Variants in AGBL4 observed in about 807,000 individuals in gnomAD.
The protein encoded by AGBL4 is cytosolic carboxypeptidase 6.
Under a neutral mutation model 66.4 loss-of-function variants are expected in AGBL4, and 58 were observed. The observed-to-expected ratio is 0.87, with a 90% confidence interval of 0.71 to 1.09. AGBL4 has a LOEUF of 1.09. Among genes scored for constraint, AGBL4 ranks in the 50% least tolerant of loss-of-function variants. The probability of loss-of-function intolerance (pLI) is 0.00; values close to 1 mark genes in which losing one functional copy is unlikely to be tolerated. For missense variants in AGBL4, 579 were observed against 631.0 expected (o/e 0.92, Z 0.88); for synonymous variants, 234 against 222.9 (o/e 1.05, Z -0.44).
At chr1:49,744,750 G>C (rs950830730) in intron 2 of AGBL4, among the ~76,000 whole-genome samples, 1 of 152,094 alleles carries the variant, frequency 6.6e-6, no homozygotes, top group African/African-American at 2.4e-5. Context: ...AGCATACAAT[G>C]CATTAAGATA....
At chr1:48,855,711 G>A (rs1325805215) in intron 6 of AGBL4, among the ~76,000 whole-genome samples, 1 of 151,246 alleles carries the variant, frequency 6.6e-6, no homozygotes. Context: ...TATTTATAAG[G>A]GCAAAACATC....
chr1:49,855,289 A>G lies in AGBL4; in HGVS notation c.35-3771T>C, dbSNP rs181023369. On this transcript the variant is annotated intron_variant, in intron 1 of 13. Transcript: ENST00000371839. Reference sequence around the variant, plus strand: ...AGCAAATATTATTAAAGCTAAAGAGAGAAATAAACCCCAATACAATCATAG... The same window carrying G: ...AGCAAATATTATTAAAGCTAAAGAGGGAAATAAACCCCAATACAATCATAG... Among the ~76,000 whole-genome samples the G allele has an allele frequency of 9.2e-5, 14 of 152,316 alleles. No individual in the cohort carries two copies. The East Asian group carries it at 2.7e-3, about 29-fold the overall frequency.
intron 2 of AGBL4, among the ~76,000 whole-genome samples, chr1:49,781,832 A>G (rs1354537965): frequency 6.6e-6 from 1 of 152,154 alleles, no homozygotes; most frequent in Non-Finnish European, 1.5e-5. Flanking sequence ...GTTAACACAC[A>G]GGAGAATTTT....
At position 49,655,437 on chromosome 1, in the gene AGBL4, G is replaced by A. The variant is rs533596079; in HGVS notation, c.282+41876C>T. On this transcript the variant is annotated intron_variant, in intron 3 of 13. Coordinates refer to ENST00000371839, the MANE Select transcript of AGBL4 (RefSeq NM_032785.4). ...GTCTTGGAGTTGCTCTTCTCGAGTA[G>A]TATCTTTGTGGCATTCTCTGTATTT... Among the ~76,000 whole-genome samples the A allele has an allele frequency of 1.4e-4, 22 of 152,234 alleles. No individual in the cohort carries two copies. In the East Asian group the frequency reaches 1.9e-3, roughly 13 times the overall value.
intron 2 of AGBL4, chr1:49,842,233 C>T (rs534459757): frequency 4.6e-6 from 2 of 436,898 alleles, no homozygotes; most frequent in South Asian, 2.0e-5. Flanking sequence ...TGGAGCCTGC[C>T]CAGAGGGCCC....
At chr1:49,512,622 A>G (rs1198145684) in intron 3 of AGBL4, among the ~76,000 whole-genome samples, 1 of 151,712 alleles carries the variant, frequency 6.6e-6, no homozygotes, top group Admixed American at 6.6e-5. Flanking sequence ...AAGCCTCCTG[A>G]CACCCTCTCC....
chr1:48,843,970 C>A (rs1233409495), intron 6 of AGBL4, among the ~76,000 whole-genome samples: 1 of 152,184 alleles, frequency 6.6e-6, no homozygotes, highest in Non-Finnish European at 1.5e-5. Context: ...ATAAGCCATG[C>A]ACTCCTCACA....
chr1:48,538,808 G>A (rs1286700669), intron 12 of AGBL4, among the ~76,000 whole-genome samples: 4 of 152,258 alleles, frequency 2.6e-5, no homozygotes, highest in Admixed American at 1.3e-4. Flanking sequence ...CCACATACAT[G>A]AGCAAGGTCA....
At chr1:49,934,332 C>A (rs992158833) in intron 1 of AGBL4, among the ~76,000 whole-genome samples, 2 of 152,046 alleles carry the variant, frequency 1.3e-5, no homozygotes, top group African/African-American at 4.8e-5. Context: ...CCAACAGCAG[C>A]AGAATATAAA....
chr1:49,870,410 T>A (rs1283182334), intron 1 of AGBL4, among the ~76,000 whole-genome samples: 1 of 151,926 alleles, frequency 6.6e-6, no homozygotes, highest in Non-Finnish European at 1.5e-5. Context: ...TATCACTTAA[T>A]TGTACATTTT....
chr1:49,690,807 ATTAAAT>A (rs1646872744), intron 3 of AGBL4, among the ~76,000 whole-genome samples: 1 of 152,214 alleles, frequency 6.6e-6, no homozygotes, highest in African/African-American at 2.4e-5. Context: ...TGGACCAGGC[ATTAAAT>A]TTAGTGTTTT....
chr1:49,088,485 A>G (rs186407412), intron 4 of AGBL4, among the ~76,000 whole-genome samples: 19 of 152,280 alleles, frequency 1.2e-4, no homozygotes, highest in Admixed American at 1.2e-3. Context: ...TAAACCAACA[A>G]TGAGTAAAAA....
intron 4 of AGBL4, among the ~76,000 whole-genome samples, chr1:49,121,725 C>G (rs903584468): frequency 6.6e-6 from 1 of 152,208 alleles, no homozygotes; most frequent in African/African-American, 2.4e-5. Context: ...GCTGGGAGAA[C>G]CACTGCTCTC....
chr1:49,118,412 A>G (rs1645577953), intron 4 of AGBL4, among the ~76,000 whole-genome samples: 1 of 152,146 alleles, frequency 6.6e-6, no homozygotes, highest in African/African-American at 2.4e-5. Context: ...GTTTATTGAG[A>G]GTTTTTAGCA....
At chr1:49,901,246 C>T (rs1649742636) in intron 1 of AGBL4, among the ~76,000 whole-genome samples, 1 of 152,176 alleles carries the variant, frequency 6.6e-6, no homozygotes. Context: ...GAGAGGAAGT[C>T]AAACTATCCC....
chr1:49,785,034 T>C (rs929649957), intron 2 of AGBL4, among the ~76,000 whole-genome samples: 18 of 152,160 alleles, frequency 1.2e-4, no homozygotes, highest in Admixed American at 1.2e-3. Context: ...TTGAAAAATA[T>C]CTGTAAAGTA....
At chr1:49,388,796 T>C (rs1357967195) in intron 3 of AGBL4, among the ~76,000 whole-genome samples, 1 of 152,080 alleles carries the variant, frequency 6.6e-6, no homozygotes, top group African/African-American at 2.4e-5. Flanking sequence ...AGTGAGTGCC[T>C]CATCACCAGA....
At chr1:49,764,233 A>T (rs998678352) in intron 2 of AGBL4, among the ~76,000 whole-genome samples, 1 of 152,092 alleles carries the variant, frequency 6.6e-6, no homozygotes, top group African/African-American at 2.4e-5. Flanking sequence ...AAAATCCAGC[A>T]TCGCCTGGGT....
chr1:49,548,620 T>C lies in AGBL4; in HGVS notation c.282+148693A>G, dbSNP rs1395672554. Among the ~76,000 whole-genome samples, 10 of 152,250 alleles carry C rather than the reference T, an allele frequency of 6.6e-5. No homozygotes were observed. The South Asian group carries it at 8.3e-4, about 13-fold the overall frequency. ...TTAAACCATGCCTGAATCCCTGGTA[T>C]GAAACCCACTTGATCATGGTGGATT... On this transcript the variant is annotated intron_variant, in intron 3 of 13. Transcript: ENST00000371839.
Sources: gnomAD v4.1 joint callset for allele counts (sites outside exome capture counted in the v4.1 genomes callset) on GRCh38, gnomAD v4.1.1 for gene constraint, MANE v1.5 for transcripts, NCBI Gene and HGNC (gene_info 2026-07-23, HGNC 2026-07-21) for gene names.